Variants in PCDHA2 observed in about 807,000 individuals in gnomAD.
The protein encoded by PCDHA2 is protocadherin alpha-2.
PCDHA2 carries 58 observed loss-of-function variants against 66.0 expected under a neutral mutation model. That is an observed-to-expected ratio of 0.88 (90% CI 0.71 to 1.09). PCDHA2 has a LOEUF of 1.09. Among genes scored for constraint, PCDHA2 ranks in the 50% least tolerant of loss-of-function variants. The probability of loss-of-function intolerance (pLI) is 0.00; values close to 1 mark genes in which losing one functional copy is unlikely to be tolerated. For synonymous variants in PCDHA2, 634 were observed against 554.0 expected (o/e 1.14, Z -2.03); for missense variants, 1,267 against 1,242.3 (o/e 1.02, Z -0.30).
At position 140,932,218 on chromosome 5, in the gene PCDHA2, T is replaced by G. The variant is rs556134668; in HGVS notation, c.2389-46731T>G. ...TCTGTTAATATTCTTGATGGGCAATTTAAATTTTTTAGAATGGTATCTAAG... is the reference window on the plus strand; with the variant it reads ...TCTGTTAATATTCTTGATGGGCAATGTAAATTTTTTAGAATGGTATCTAAG... On this transcript the variant is annotated intron_variant, in intron 1 of 3. Coordinates refer to ENST00000526136, the MANE Select transcript of PCDHA2 (RefSeq NM_018905.3). Among the ~76,000 whole-genome samples, 20 of 152,034 alleles carry G rather than the reference T, an allele frequency of 1.3e-4. 1 individual carries two copies. Among genetic ancestry groups the G allele is most frequent in the Middle Eastern group, 3.4e-3 (1 of 292 alleles).
chr5:140,891,904 T>A (rs1429453216), intron 1 of PCDHA2, among the ~76,000 whole-genome samples: 3 of 152,212 alleles, frequency 2.0e-5, no homozygotes, highest in Non-Finnish European at 4.4e-5. Flanking sequence ...AAGAAGATCT[T>A]CACCAGATGC....
At chr5:140,935,598 G>A (rs540310470) in intron 1 of PCDHA2, among the ~76,000 whole-genome samples, 5 of 152,148 alleles carry the variant, frequency 3.3e-5, no homozygotes, top group Admixed American at 6.5e-5. Context: ...TAGATACAGA[G>A]CTAGGCTTTT....
intron 1 of PCDHA2, chr5:140,871,695 T>A: frequency 1.0e-6 from 1 of 974,906 alleles, no homozygotes; most frequent in Non-Finnish European, 1.5e-6. Context: ...CTGGCTTCTT[T>A]AACCAATAAA....
chr5:140,814,689 T>C (rs1554126575), intron 1 of PCDHA2: 1 of 152,206 alleles, frequency 6.6e-6, no homozygotes, highest in Non-Finnish European at 1.5e-5. Context: ...TACAACATTA[T>C]GACTGCTACA....
intron 1 of PCDHA2, chr5:140,848,505 T>G: frequency 6.3e-7 from 1 of 1,587,952 alleles, no homozygotes; most frequent in South Asian, 1.1e-5. Context: ...AATGTTATAC[T>G]CAAGTCGAGG....
intron 1 of PCDHA2, chr5:140,807,909 C>G (rs901067818): frequency 2.5e-6 from 4 of 1,614,064 alleles, no homozygotes; most frequent in Non-Finnish European, 3.4e-6. Context: ...AATGCCCCAG[C>G]TTTTGACAGA....
intron 1 of PCDHA2, among the ~76,000 whole-genome samples, chr5:140,894,013 T>G (rs1161643824): frequency 1.3e-5 from 2 of 152,232 alleles, no homozygotes; most frequent in African/African-American, 4.8e-5. Flanking sequence ...TGGTTCAAAT[T>G]ACCAGTTCTG....
At chr5:141,005,610 G>C (rs1184044588) in intron 3 of PCDHA2, among the ~76,000 whole-genome samples, 1 of 147,582 alleles carries the variant, frequency 6.8e-6, no homozygotes, top group Non-Finnish European at 1.5e-5. Context: ...GCTGAGGCAG[G>C]AGAATGGCGT....
In PCDHA2 at chr5:140,937,678, T is replaced by C. The variant is rs570305485; in HGVS notation, c.2389-41271T>C. On this transcript the variant is annotated intron_variant, in intron 1 of 3. Coordinates refer to ENST00000526136, the MANE Select transcript of PCDHA2 (RefSeq NM_018905.3). ...CTGTAATCCCAGCACTTTGGGAGGC[T>C]GAGGCAGGCGGATCACGAGGTCAGG... Among the ~76,000 whole-genome samples the C allele has an allele frequency of 5.4e-3, 825 of 151,734 alleles. 2 individuals are homozygous for C. Among genetic ancestry groups the C allele is most frequent in the African/African-American group, 0.019 (794 of 41,384 alleles).
chr5:140,927,611 C>T, intron 1 of PCDHA2: 1 of 1,614,164 alleles, frequency 6.2e-7, no homozygotes, highest in Admixed American at 1.7e-5. Context: ...GTATACCGCA[C>T]CAAGGTTCCA....
intron 1 of PCDHA2, chr5:140,865,401 G>A (rs1011488006): frequency 6.6e-6 from 1 of 152,158 alleles, no homozygotes; most frequent in Non-Finnish European, 1.5e-5. Flanking sequence ...TATAAATGCT[G>A]AAAAGGAATT....
rs782208845 is a variant in PCDHA2 at position 140,857,288 on chromosome 5, C to G, written c.2388+59936C>G. ...ATTGGTGCTGGACAGCGCTCTGGAC[C>G]GCGAGAGGGTGTCGGCCTATGAGCT... On this transcript the variant is annotated intron_variant, in intron 1 of 3. Transcript: ENST00000526136. 42 of 1,598,652 alleles carry G rather than the reference C, an allele frequency of 2.6e-5. 1 individual carries two copies. The highest frequency in any genetic ancestry group is 3.3e-5 in the Non-Finnish European group (39 of 1,168,028).
At chr5:140,865,422 A>G (rs1381017187) in intron 1 of PCDHA2, 2 of 152,214 alleles carry the variant, frequency 1.3e-5, no homozygotes, top group African/African-American at 4.8e-5. Context: ...AGTAGTGTCT[A>G]CCTAGAAAAA....
At chr5:140,884,281 G>C in intron 1 of PCDHA2, 4 of 1,613,614 alleles carry the variant, frequency 2.5e-6, no homozygotes, top group Non-Finnish European at 3.4e-6. Flanking sequence ...CGCTGGTGGA[G>C]AGCGGCCAAG....
intron 1 of PCDHA2, among the ~76,000 whole-genome samples, chr5:140,890,365 T>A: frequency 6.6e-6 from 1 of 152,216 alleles, no homozygotes; most frequent in Non-Finnish European, 1.5e-5. Context: ...ATGGATAACC[T>A]GAACAAGTAC....
chr5:140,829,374 G>A (rs2150166650), intron 1 of PCDHA2: 2 of 1,614,224 alleles, frequency 1.2e-6, no homozygotes, highest in Non-Finnish European at 8.5e-7. Context: ...GTAACCGCGC[G>A]GGACGGGGGC....
intron 1 of PCDHA2, chr5:140,841,721 C>T (rs2150321568): frequency 1.2e-6 from 2 of 1,613,868 alleles, no homozygotes; most frequent in Non-Finnish European, 8.5e-7. Context: ...GCCAGTGTTC[C>T]GGGTAAAAGA....
At chr5:140,814,442 C>A (rs985107425) in intron 1 of PCDHA2, 1 of 148,282 alleles carries the variant, frequency 6.7e-6, no homozygotes, top group East Asian at 1.9e-4. Flanking sequence ...TTGTGGTGAC[C>A]TTTTTTCTTT....
At chr5:140,867,536 A>T (rs1177306827) in intron 1 of PCDHA2, 3 of 152,126 alleles carry the variant, frequency 2.0e-5, no homozygotes, top group African/African-American at 7.2e-5. Flanking sequence ...ATATATATAA[A>T]ATATTAGCAT....
Sources: gnomAD v4.1 joint callset for allele counts (sites outside exome capture counted in the v4.1 genomes callset) on GRCh38, gnomAD v4.1.1 for gene constraint, MANE v1.5 for transcripts, NCBI Gene and HGNC (gene_info 2026-07-23, HGNC 2026-07-21) for gene names.